The following RNF157 variants were observed in gnomAD, a reference collection of about 807,000 sequenced individuals.
RNF157 encodes ring finger protein 157, also known as E3 ubiquitin ligase RNF157.
Under a neutral mutation model 88.3 loss-of-function variants are expected in RNF157, and 55 were observed. The ratio of observed to expected loss-of-function variants is 0.62; its 90% CI spans 0.50 to 0.78. RNF157 has a LOEUF of 0.78. Ranked by LOEUF, RNF157 falls within the 30% of genes least tolerant of loss-of-function variation. The pLI, the probability that RNF157 is intolerant of heterozygous loss-of-function variation, is 0.00. For synonymous variants in RNF157, 334 were observed against 341.2 expected (o/e 0.98, Z 0.23); for missense variants, 788 against 860.8 (o/e 0.92, Z 1.06).
Position 76,155,311 on chromosome 17 carries a change from G to A in RNF157, c.1705C>T (p.Pro569Ser), listed in dbSNP as rs1271769272. 3.7e-6 allele frequency: 6 copies of A among 1,613,920 alleles called. No homozygotes were observed. Among genetic ancestry groups the A allele is most frequent in the Non-Finnish European group, 5.1e-6 (6 of 1,179,894 alleles). ...AAGTTGCTGTCTGGAGACTCCGCTG[G>A]CAGCCCCTGCAGAAGAGCACAGTTT... ...RAPSEEGEGL[P>S]AESPDSNFAG... Residue 569 changes from proline to serine, a missense_variant, in exon 16 of 19, where the codon CCA becomes TCA. Pro to Ser is a moderately conservative substitution (Grantham distance 74, BLOSUM62 -1). Transcript: ENST00000269391.
Position 76,223,040 on chromosome 17 carries a change from GC to G in RNF157, c.89-10559del, listed in dbSNP as rs760669196. ...CGAGTAGCTGGGACTACAGGCGCCCGCCACCATGCCTGGCTAATTTTTTGTA... is the reference window on the plus strand; with the variant it reads ...CGAGTAGCTGGGACTACAGGCGCCCGCACCATGCCTGGCTAATTTTTTGTA... On this transcript the variant is annotated intron_variant, in intron 1 of 18. Coordinates refer to ENST00000269391, the MANE Select transcript of RNF157 (RefSeq NM_052916.3). Among the ~76,000 whole-genome samples, 7 of 152,040 alleles carry G rather than the reference GC, an allele frequency of 4.6e-5. No individual in the cohort carries two copies. The South Asian group carries it at 1.5e-3, about 32-fold the overall frequency.
rs2070354153 is a variant in RNF157, at chr17:76,240,124, T to C, written c.88+29A>G. ...CCCCTGCCCCTGCCCCTCTCCCTCCTCGCGGCTGCGGCGCCCGCCCGCCCT... is the reference window on the plus strand; with the variant it reads ...CCCCTGCCCCTGCCCCTCTCCCTCCCCGCGGCTGCGGCGCCCGCCCGCCCT... On this transcript the variant is annotated intron_variant, in intron 1 of 18. Transcript: ENST00000269391. This position sits in a 1 kb window ranked among gnomAD's most constrained non-coding sequence, Gnocchi z 4.4. 4.0e-6 allele frequency: 5 copies of C among 1,264,118 alleles called. No individual in the cohort carries two copies. Among genetic ancestry groups the C allele is most frequent in the Non-Finnish European group, 5.0e-6 (5 of 990,616 alleles). 78.3% of individuals were successfully genotyped at this position (1,264,118 alleles called of 1,614,324 possible). A position where few individuals can be genotyped will look rare whatever the true frequency, so the allele number is the denominator to read the frequency against.
intron 1 of RNF157, among the ~76,000 whole-genome samples, chr17:76,216,606 A>G (rs538576254): frequency 6.6e-5 from 10 of 151,850 alleles, no homozygotes; most frequent in Non-Finnish European, 1.3e-4. Context: ...AATAATAATA[A>G]TAATACTATG....
rs376723711 is a variant in RNF157, at chr17:76,153,453, T to A, written c.1810+830A>T. 12 of 152,258 alleles carry A rather than the reference T, an allele frequency of 7.9e-5. No individual in the cohort carries two copies. In the East Asian group the frequency reaches 1.2e-3, roughly 15 times the overall value. 9.4% of individuals were successfully genotyped at this position (152,258 alleles called of 1,614,324 possible). On this transcript the variant is annotated intron_variant, in intron 17 of 18. Coordinates refer to ENST00000269391, the MANE Select transcript of RNF157 (RefSeq NM_052916.3). ...CTAAAGCAGAAGCAATAGGATGACA[T>A]CTGCTGGTGCGTCTGTATCCAGGCC...
rs1171464341 is a variant in RNF157, at chr17:76,145,274, A to G, written c.2001T>C (p.Ser667=). The G allele has an allele frequency of 4.4e-6, 7 of 1,608,880 alleles. No individual in the cohort carries two copies. Among genetic ancestry groups the G allele is most frequent in the Non-Finnish European group, 5.9e-6 (7 of 1,178,128 alleles). ...RRLSSSSLED[S]ETRPCVWGPL... is the part of the protein sequence containing the mutation. ...GGCCCCACACACAGGGCCTCGTCTCAGAGTCCTCCAGGCTGCTGGATGACA... is the reference window on the plus strand; with the variant it reads ...GGCCCCACACACAGGGCCTCGTCTCGGAGTCCTCCAGGCTGCTGGATGACA... The change falls in exon 19 of 19, where the codon TCT becomes TCC. Residue 667 remains serine (S), a synonymous_variant. Coordinates refer to ENST00000269391, the MANE Select transcript of RNF157 (RefSeq NM_052916.3).
At chr17:76,205,817 CTG>C (rs549938386) in intron 2 of RNF157, among the ~76,000 whole-genome samples, 1 of 152,092 alleles carries the variant, frequency 6.6e-6, no homozygotes, top group East Asian at 1.9e-4. Context: ...GAAGAAGAAA[CTG>C]TGTCAATGCG....
At chr17:76,180,151 A>G (rs2069167809) in intron 2 of RNF157, among the ~76,000 whole-genome samples, 1 of 152,188 alleles carries the variant, frequency 6.6e-6, no homozygotes, top group South Asian at 2.1e-4. Context: ...GGATTTATAG[A>G]ATGGCTTCCT....
At chr17:76,173,971 G>A (rs965856961) in intron 2 of RNF157, among the ~76,000 whole-genome samples, 181 bp from the exon 3 acceptor site, 6 of 152,148 alleles carry the variant, frequency 3.9e-5, no homozygotes, top group South Asian at 2.1e-4. Context: ...CACAGCTAGC[G>A]GGAAAACTGG....
intron 2 of RNF157, among the ~76,000 whole-genome samples, chr17:76,208,185 G>C (rs1295574751): frequency 6.6e-6 from 1 of 152,154 alleles, no homozygotes; most frequent in African/African-American, 2.4e-5. Flanking sequence ...GGCCTCCTGA[G>C]CAGCTGGGAC....
chr17:76,198,361 G>A (rs1471664636), intron 2 of RNF157, among the ~76,000 whole-genome samples: 4 of 152,144 alleles, frequency 2.6e-5, no homozygotes, highest in Admixed American at 1.3e-4. Flanking sequence ...GGGTTCTTGG[G>A]AGCTTGGAAA....
Position 76,145,279 on chromosome 17 carries a change from C to A in RNF157, c.1996G>T (p.Asp666Tyr). Residue 666 changes from aspartate (D) to tyrosine (Y), a missense_variant, in exon 19 of 19, where the codon GAC becomes TAC. Physicochemically the swap from Asp to Tyr is radical, Grantham distance 160. Coordinates refer to ENST00000269391, the MANE Select transcript of RNF157 (RefSeq NM_052916.3). ...RRRLSSSSLE[D>Y]SETRPCVWGP... ...CACACACAGGGCCTCGTCTCAGAGT[C>A]CTCCAGGCTGCTGGATGACAAGCGC... The A allele has an allele frequency of 6.2e-7, 1 of 1,609,622 alleles. No homozygotes were observed. Among genetic ancestry groups the A allele is most frequent in the Non-Finnish European group, 8.5e-7 (1 of 1,178,420 alleles).
chr17:76,185,087 C>T (rs2069257820), intron 2 of RNF157, among the ~76,000 whole-genome samples: 2 of 152,160 alleles, frequency 1.3e-5, no homozygotes, highest in Admixed American at 6.5e-5. Flanking sequence ...CATTCTATAT[C>T]TCTCCTTATG....
chr17:76,203,125 G>T (rs948084124), intron 2 of RNF157, among the ~76,000 whole-genome samples: 5 of 151,992 alleles, frequency 3.3e-5, no homozygotes, highest in African/African-American at 9.7e-5. Context: ...CAAGCGGCTG[G>T]GATTACAGGC....
intron 18 of RNF157, 105 bp from the exon 19 acceptor site, chr17:76,145,458 G>A (rs929996669): frequency 1.7e-5 from 13 of 751,520 alleles, no homozygotes; most frequent in Non-Finnish European, 2.7e-5. Flanking sequence ...AGCAGGATGC[G>A]TGTCACCTGA....
At chr17:76,185,703 T>G (rs1199478353) in intron 2 of RNF157, among the ~76,000 whole-genome samples, 1 of 152,022 alleles carries the variant, frequency 6.6e-6, no homozygotes, top group African/African-American at 2.4e-5. Flanking sequence ...TCTCCTGACC[T>G]CGTGATCCGC....
rs757296112 is a variant in RNF157 at position 76,167,074 on chromosome 17, C to T, written c.496G>A (p.Gly166Arg). Residue 166 changes from glycine (G) to arginine (R), a missense_variant, in exon 5 of 19, where the codon GGA (glycine) becomes AGA (arginine). By Grantham distance (125) the Gly-to-Arg change is moderately radical. Coordinates refer to ENST00000269391, the MANE Select transcript of RNF157 (RefSeq NM_052916.3). ...LQSETVQYKRGVCQQFCLPSH... is the reference protein window; with the variant it reads ...LQSETVQYKRRVCQQFCLPSH... ...GGCAGGCAGAACTGCTGACACACTC[C>T]TCGCTTGTACTGCACAGTCTCCGAC... 2 of 1,613,358 alleles carry T rather than the reference C, an allele frequency of 1.2e-6. No homozygotes were observed. The highest frequency in any genetic ancestry group is 8.5e-7 in the Non-Finnish European group (1 of 1,179,938).
At chr17:76,191,269 A>T (rs2069379961) in intron 2 of RNF157, among the ~76,000 whole-genome samples, 1 of 151,882 alleles carries the variant, frequency 6.6e-6, no homozygotes, top group South Asian at 2.1e-4. Flanking sequence ...GGAGCCCAGG[A>T]GTTCAAGATC....
chr17:76,210,588 C>CAAAAAAAAAAAAAAAAAAAAA (rs71161274), intron 2 of RNF157, among the ~76,000 whole-genome samples: 1 of 53,520 alleles, frequency 1.9e-5, no homozygotes, highest in Non-Finnish European at 3.3e-5. Flanking sequence ...AGACTCCGTC[C>CAAAAAAAAAAAAAAAAAAAAA]AAAAAAAAAA....
chr17:76,176,425 A>AT lies in RNF157; in HGVS notation c.208-2636dup, dbSNP rs1350633002. Among the ~76,000 whole-genome samples the AT allele has an allele frequency of 2.6e-5, 4 of 151,932 alleles. No individual in the cohort carries two copies. Among genetic ancestry groups the AT allele is most frequent in the African/African-American group, 9.7e-5 (4 of 41,342 alleles). On this transcript the variant is annotated intron_variant, in intron 2 of 18. Coordinates refer to ENST00000269391, the MANE Select transcript of RNF157 (RefSeq NM_052916.3). This position sits in a 1 kb window ranked among gnomAD's most constrained non-coding sequence, Gnocchi z 4.2. Reference sequence around the variant, plus strand: ...TAGGATCAGAGGCAAATTAAAAAAAATTTTTTTTCTGCTCTTAGAGTTGTC... The same window carrying AT: ...TAGGATCAGAGGCAAATTAAAAAAAATTTTTTTTTCTGCTCTTAGAGTTGTC...
Sources: gnomAD v4.1 joint callset for allele counts (sites outside exome capture counted in the v4.1 genomes callset) on GRCh38, gnomAD v4.1.1 for gene constraint, Gnocchi (gnomAD v3.1) non-coding constraint, MANE v1.5 for transcripts, NCBI Gene and HGNC (gene_info 2026-07-23, HGNC 2026-07-21) for gene names.